Variants in ROBO1 observed in about 807,000 individuals in gnomAD.
The protein encoded by ROBO1 is roundabout homolog 1.
ROBO1 carries 149 observed loss-of-function variants against 195.9 expected under a neutral mutation model. That is an observed-to-expected ratio of 0.76 (90% CI 0.67 to 0.87). The LOEUF is 0.87. Ranked by LOEUF, ROBO1 falls within the 40% of genes least tolerant of loss-of-function variation. The probability of loss-of-function intolerance (pLI) is 0.00; values close to 1 mark genes in which losing one functional copy is unlikely to be tolerated. For synonymous variants in ROBO1, 816 were observed against 733.2 expected (o/e 1.11, Z -1.82); for missense variants, 1,933 against 2,068.3 (o/e 0.93, Z 1.27).
chr3:78,862,413 C>T (rs2034908250), intron 4 of ROBO1, among the ~76,000 whole-genome samples: 2 of 152,158 alleles, frequency 1.3e-5, no homozygotes, highest in African/African-American at 4.8e-5. Context: ...ATAAGGAACG[C>T]AGCCCTATCA....
At chr3:79,473,026 C>A (rs1331844972) in intron 2 of ROBO1, among the ~76,000 whole-genome samples, 1 of 152,116 alleles carries the variant, frequency 6.6e-6, no homozygotes, top group Non-Finnish European at 1.5e-5. Flanking sequence ...ATTAAAAACA[C>A]AAGTGGGTTG....
At chr3:78,805,683 A>G (rs544246067) in intron 4 of ROBO1, among the ~76,000 whole-genome samples, 39 of 152,196 alleles carry the variant, frequency 2.6e-4, no homozygotes, top group Middle Eastern at 7.2e-3. Flanking sequence ...GATATCTTTC[A>G]ATATTATCAT....
chr3:78,809,184 T>G (rs1360901419), intron 4 of ROBO1, among the ~76,000 whole-genome samples: 1 of 150,602 alleles, frequency 6.6e-6, no homozygotes, highest in Non-Finnish European at 1.5e-5. Flanking sequence ...GGGCAAAGGA[T>G]ATAAACAGAC....
intron 3 of ROBO1, among the ~76,000 whole-genome samples, chr3:79,102,320 A>T (rs1245867998): frequency 1.3e-5 from 2 of 151,740 alleles, no homozygotes; most frequent in Non-Finnish European, 2.9e-5. Flanking sequence ...TACAGATACA[A>T]GGCTATGGTC....
intron 2 of ROBO1, among the ~76,000 whole-genome samples, chr3:79,406,857 T>C (rs2037569695): frequency 6.6e-6 from 1 of 152,140 alleles, no homozygotes; most frequent in Non-Finnish European, 1.5e-5. Context: ...TTAAAGAATT[T>C]AGTCTTCCAA....
chr3:78,665,939 A>G (rs1048077153), intron 14 of ROBO1, among the ~76,000 whole-genome samples: 1 of 151,872 alleles, frequency 6.6e-6, no homozygotes, highest in East Asian at 1.9e-4. Context: ...TCCTCACCCA[A>G]ATCTCATCTT....
intron 1 of ROBO1, among the ~76,000 whole-genome samples, chr3:79,622,788 T>A (rs1945049755): frequency 6.6e-6 from 1 of 152,196 alleles, no homozygotes; most frequent in Non-Finnish European, 1.5e-5. Flanking sequence ...TTCCTCCTAG[T>A]GAGGTACACC....
chr3:79,741,944 G>A (rs888129351), intron 1 of ROBO1, among the ~76,000 whole-genome samples: 1 of 152,188 alleles, frequency 6.6e-6, no homozygotes, highest in African/African-American at 2.4e-5. Flanking sequence ...TGCAAGTGAT[G>A]ATTTAGGGTA....
intron 8 of ROBO1, among the ~76,000 whole-genome samples, chr3:78,699,672 C>T (rs1159727237): frequency 1.3e-5 from 2 of 151,814 alleles, no homozygotes; most frequent in Non-Finnish European, 2.9e-5. Flanking sequence ...GGTCCTATTG[C>T]TTTTAAAATA....
chr3:79,609,447 T>C (rs1179269648), intron 1 of ROBO1, among the ~76,000 whole-genome samples: 2 of 151,870 alleles, frequency 1.3e-5, no homozygotes, highest in East Asian at 3.9e-4. Flanking sequence ...GTATGGCAAA[T>C]TCCTTAAAAT....
chr3:78,756,686 CTTTG>C (rs1301184919), intron 4 of ROBO1, among the ~76,000 whole-genome samples: 1 of 152,020 alleles, frequency 6.6e-6, no homozygotes, highest in African/African-American at 2.4e-5. Context: ...TCATAGCATG[CTTTG>C]TTTAATTGAA....
At chr3:79,185,933 C>G (rs928660884) in intron 2 of ROBO1, among the ~76,000 whole-genome samples, 1 of 152,040 alleles carries the variant, frequency 6.6e-6, no homozygotes, top group African/African-American at 2.4e-5. Flanking sequence ...ATGCTAAATA[C>G]TTTTCACCTG....
intron 4 of ROBO1, among the ~76,000 whole-genome samples, chr3:78,811,608 T>C (rs577008451): frequency 6.6e-6 from 1 of 152,172 alleles, no homozygotes; most frequent in South Asian, 2.1e-4. Flanking sequence ...GCCCCTCTCC[T>C]ACTCACCTCT....
intron 2 of ROBO1, among the ~76,000 whole-genome samples, chr3:79,194,314 C>T (rs922251505): frequency 2.0e-5 from 3 of 151,652 alleles, no homozygotes; most frequent in African/African-American, 7.3e-5. Flanking sequence ...TTGCTACAGG[C>T]AGCACACTTC....
intron 2 of ROBO1, among the ~76,000 whole-genome samples, chr3:79,350,430 T>C (rs985950615): frequency 1.3e-5 from 2 of 152,214 alleles, no homozygotes; most frequent in African/African-American, 4.8e-5. Context: ...TTGATTCAGC[T>C]AAGAGAATTC....
intron 2 of ROBO1, among the ~76,000 whole-genome samples, chr3:79,163,718 T>G (rs574084421): frequency 1.2e-4 from 19 of 152,228 alleles, no homozygotes; most frequent in South Asian, 4.1e-4. Flanking sequence ...TGTTGTTGTT[T>G]TTTATAGAAG....
intron 2 of ROBO1, among the ~76,000 whole-genome samples, chr3:79,261,596 T>C (rs76018922): frequency 0.057 from 8,591 of 152,044 alleles, 347 homozygotes; most frequent in African/African-American, 0.11. Context: ...TTGCATTAAA[T>C]CTGTTTTGTT....
chr3:78,707,872 C>A (rs1194686692), intron 8 of ROBO1, among the ~76,000 whole-genome samples: 1 of 152,098 alleles, frequency 6.6e-6, no homozygotes, highest in Admixed American at 6.6e-5. Flanking sequence ...TCTTTTAGTT[C>A]CTGTTGTGAG....
At chr3:79,619,853 G>C (rs1274976651) in intron 1 of ROBO1, among the ~76,000 whole-genome samples, 2 of 152,036 alleles carry the variant, frequency 1.3e-5, no homozygotes, top group African/African-American at 4.8e-5. Flanking sequence ...GTAAGAAAAA[G>C]GTCCAAAAAT....
Sources: allele counts gnomAD v4.1 joint callset (sites outside exome capture counted in the v4.1 genomes callset), GRCh38; gene constraint gnomAD v4.1.1; transcripts MANE v1.5; gene names NCBI Gene and HGNC (gene_info 2026-07-23, HGNC 2026-07-21).